Variants in GPHN observed in about 807,000 individuals in gnomAD.
GPHN encodes the protein gephyrin.
A neutral mutation model predicts 95.5 loss-of-function variants in GPHN; 17 were observed. The ratio of observed to expected loss-of-function variants is 0.18; its 90% CI spans 0.12 to 0.27. The LOEUF is 0.27. GPHN is among the 10% of genes least tolerant of loss of function. GPHN has a pLI of 1.00. For synonymous variants in GPHN, 320 were observed against 322.5 expected (o/e 0.99, Z 0.08); for missense variants, 660 against 978.1 (o/e 0.67, Z 4.34).
chr14:66,797,905 T>C (rs750900749), intron 3 of GPHN, among the ~76,000 whole-genome samples: 3 of 151,990 alleles, frequency 2.0e-5, no homozygotes, highest in African/African-American at 2.4e-5. Flanking sequence ...TTCTACCAGA[T>C]CTTAGAGGAA....
the GPHN span, chr14:67,364,225 G>C: frequency 6.6e-6 from 1 of 152,086 alleles, no homozygotes; most frequent in Non-Finnish European, 1.5e-5. Flanking sequence ...AATTTTTTTA[G>C]TTTTTGTTGT....
chr14:67,615,454 C>T, the GPHN span: 1 of 286,364 alleles, frequency 3.5e-6, no homozygotes. Flanking sequence ...CTAGGCAACT[C>T]TGTGCCTCGC....
At chr14:67,143,519 C>G in intron 18 of GPHN, 70 bp downstream of exon 18, 1 of 960,718 alleles carries the variant, frequency 1.0e-6, no homozygotes, top group South Asian at 1.3e-5. Flanking sequence ...TAACTGTGGT[C>G]TGGTAGGCAT....
chr14:66,518,146 A>AC (rs916188139), intron 1 of GPHN, among the ~76,000 whole-genome samples: 2 of 151,650 alleles, frequency 1.3e-5, no homozygotes, highest in African/African-American at 4.9e-5. Context: ...ACAAAACAAA[A>AC]AAAACCCTGC....
chr14:66,712,960 A>G (rs994334136), intron 2 of GPHN, among the ~76,000 whole-genome samples: 31 of 152,106 alleles, frequency 2.0e-4, no homozygotes, highest in Middle Eastern at 3.4e-3. Flanking sequence ...AGAATTGTCT[A>G]TTTATGCCCT....
the GPHN span, chr14:67,725,379 T>C: frequency 1.0e-6 from 1 of 990,476 alleles, no homozygotes; most frequent in African/African-American, 1.6e-5. Flanking sequence ...TTCTGCCACA[T>C]GAACCAGCAG....
intron 1 of GPHN, among the ~76,000 whole-genome samples, chr14:66,638,054 C>CT (rs1238715554): frequency 1.3e-5 from 2 of 151,910 alleles, no homozygotes; most frequent in African/African-American, 4.8e-5. Context: ...TCTATTGGGC[C>CT]TTTTTATAAA....
chr14:66,588,901 A>T (rs1332860830), intron 1 of GPHN, among the ~76,000 whole-genome samples: 4 of 152,086 alleles, frequency 2.6e-5, no homozygotes, highest in Non-Finnish European at 5.9e-5. Flanking sequence ...AGATACTACT[A>T]GAGAAGAGCA....
At chr14:67,494,852 C>T in the GPHN span, among the ~76,000 whole-genome samples, 1 of 152,180 alleles carries the variant, frequency 6.6e-6, no homozygotes, top group African/African-American at 2.4e-5. Flanking sequence ...TGATTCAGGC[C>T]TGTAATCCCA....
At chr14:67,293,358 G>A in the GPHN span, among the ~76,000 whole-genome samples, 5 of 151,982 alleles carry the variant, frequency 3.3e-5, no homozygotes, top group South Asian at 2.1e-4. Flanking sequence ...TTATTCTAGC[G>A]TTTTAAGTTA....
chr14:67,623,073 CA>C, the GPHN span, among the ~76,000 whole-genome samples: 20 of 152,146 alleles, frequency 1.3e-4, no homozygotes, highest in African/African-American at 4.8e-4. Context: ...CTTTTTTTCT[CA>C]AATATATTTA....
intron 14 of GPHN, among the ~76,000 whole-genome samples, chr14:67,111,456 T>G (rs1456864927): frequency 6.6e-6 from 1 of 152,190 alleles, no homozygotes; most frequent in Non-Finnish European, 1.5e-5. Flanking sequence ...TGGCATGGTA[T>G]TGAACCCATG....
chr14:67,347,882 T>C, the GPHN span, among the ~76,000 whole-genome samples: 8 of 151,644 alleles, frequency 5.3e-5, no homozygotes, highest in Middle Eastern at 6.8e-3. Context: ...GGAATTGTAA[T>C]TGGTTTCAAT....
intron 8 of GPHN, among the ~76,000 whole-genome samples, chr14:66,945,601 A>G (rs1392764435): frequency 1.3e-5 from 2 of 152,160 alleles, no homozygotes; most frequent in Non-Finnish European, 2.9e-5. Flanking sequence ...ATCAAACACC[A>G]CCTGCTTCCC....
chr14:67,284,453 C>A, the GPHN span, among the ~76,000 whole-genome samples: 1 of 96,710 alleles, frequency 1.0e-5, no homozygotes, highest in African/African-American at 7.0e-5. Flanking sequence ...AACAGCTGGG[C>A]ATGGTGGTAT....
the GPHN span, chr14:67,303,495 A>G: frequency 2.9e-3 from 4,516 of 1,565,392 alleles, 169 homozygotes; most frequent in East Asian, 0.083. Context: ...TGCAAATTTA[A>G]AAAATAACCT....
chr14:66,833,252 G>A lies in GPHN; in HGVS notation c.294+8686G>A, dbSNP rs539484514. Among the ~76,000 whole-genome samples, 7 of 152,192 alleles carry A rather than the reference G, an allele frequency of 4.6e-5. No homozygotes were observed. In the South Asian group the frequency reaches 1.2e-3, roughly 27 times the overall value. The stretch of plus-strand genomic sequence containing the variant: ...GCAAACACATCCTTCTTCACATGGC[G>A]GCAGCAAGTAGAAGTACAGAGCAAC... On this transcript the variant is annotated intron_variant, in intron 4 of 22. Coordinates refer to ENST00000478722, the MANE Select transcript of GPHN (RefSeq NM_020806.5).
the GPHN span, chr14:67,592,628 T>C: frequency 3.2e-6 from 5 of 1,553,424 alleles, no homozygotes; most frequent in African/African-American, 2.7e-5. Flanking sequence ...AAGTATTCTA[T>C]GCTCACCTGG....
chr14:66,876,379 A>G (rs573083406), intron 4 of GPHN, among the ~76,000 whole-genome samples: 2 of 152,296 alleles, frequency 1.3e-5, no homozygotes, highest in East Asian at 3.9e-4. Context: ...AGCTAGCAGA[A>G]GACGAGAAAT....
Sources: allele counts gnomAD v4.1 joint callset (sites outside exome capture counted in the v4.1 genomes callset), GRCh38; gene constraint gnomAD v4.1.1; transcripts MANE v1.5; gene names NCBI Gene and HGNC (gene_info 2026-07-23, HGNC 2026-07-21).